Variants in TANGO2 observed in about 807,000 individuals in gnomAD.
TANGO2 encodes the protein transport and golgi organization 2 homolog.
Under a neutral mutation model 39.1 loss-of-function variants are expected in TANGO2, and 26 were observed. The observed-to-expected ratio is 0.67, with a 90% CI of 0.49 to 0.92. TANGO2 has a LOEUF of 0.92. TANGO2 is among the 40% of genes least tolerant of loss of function. TANGO2 has a pLI of 0.00. For missense variants in TANGO2, 326 were observed against 360.1 expected (o/e 0.91, Z 0.77); for synonymous variants, 131 against 144.5 (o/e 0.91, Z 0.67).
At position 20,061,653 on chromosome 22, in the gene TANGO2, G is replaced by A; in HGVS notation, c.575G>A (p.Ser192Asn). 1 of 1,557,842 alleles carries A rather than the reference G, an allele frequency of 6.4e-7. No individual in the cohort carries two copies. Among genetic ancestry groups the A allele is most frequent in the Non-Finnish European group, 8.7e-7 (1 of 1,150,388 alleles). Residue 192 changes from serine to asparagine, a missense_variant, in exon 7 of 9, where the codon AGC becomes AAC. Coordinates refer to ENST00000327374, the MANE Select transcript of TANGO2 (RefSeq NM_152906.7). ...QALPKDVLIA[S>N]LLDVLNNEEA... Reference sequence around the variant, plus strand: ...CTGCCCAAGGATGTGCTCATCGCCAGCCTCCTGGATGTGCTCAACAATGAA... The same window carrying A: ...CTGCCCAAGGATGTGCTCATCGCCAACCTCCTGGATGTGCTCAACAATGAA...
chr22:20,034,381 A>C (rs1463242296), intron 1 of TANGO2, among the ~76,000 whole-genome samples: 1 of 152,118 alleles, frequency 6.6e-6, no homozygotes, highest in Non-Finnish European at 1.5e-5. Context: ...TGCTTCTTTC[A>C]TTATGTGGTT....
At chr22:20,060,120 C>T (rs1445332563) in intron 6 of TANGO2, among the ~76,000 whole-genome samples, 1 of 151,946 alleles carries the variant, frequency 6.6e-6, no homozygotes, top group Admixed American at 6.6e-5. Flanking sequence ...GAGGCCAAGG[C>T]GGGTGGATCA....
rs1602255030 is a variant in TANGO2, at chr22:20,053,552, G to A, written c.380+1G>A. The A allele has an allele frequency of 6.2e-7, 1 of 1,605,126 alleles. No individual in the cohort carries two copies. The highest frequency in any genetic ancestry group is 1.3e-5 in the African/African-American group (1 of 74,876). On this transcript the variant is annotated splice_donor_variant, in intron 5 of 8. Transcript: ENST00000327374. LOFTEE classifies it high-confidence loss of function. ...TCAACCTCATAGCAGCCGACCTGAG[G>A]TGGGTCTGCCAGAGGGGGATGGCGG...
intron 1 of TANGO2, among the ~76,000 whole-genome samples, chr22:20,034,865 G>A (rs1473564108): frequency 3.3e-5 from 5 of 152,194 alleles, no homozygotes; most frequent in African/African-American, 9.7e-5. Flanking sequence ...TGTGGGCCAC[G>A]CTCTCCGAAC....
intron 8 of TANGO2, among the ~76,000 whole-genome samples, chr22:20,063,757 C>T (rs1209711097): frequency 1.3e-5 from 2 of 152,262 alleles, no homozygotes; most frequent in Non-Finnish European, 2.9e-5. Flanking sequence ...CAGGCTGTAC[C>T]CTTGGGTGGT....
rs16982614 is a variant in TANGO2, at chr22:20,064,566, T to G, written c.735T>G (p.Asp245Glu). 2.6e-3 allele frequency: 4,154 copies of G among 1,614,136 alleles called. 97 individuals carry two copies. In the African/African-American group the frequency reaches 0.047, roughly 18 times the overall value. Reference protein sequence around the residue: ...GTRTNTIILVDADGHVTFTER... With the variant: ...GTRTNTIILVEADGHVTFTER... ...GAACCAACACTATCATCCTGGTAGA[T>G]GCGGACGGCCACGTGACCTTCACTG... The change falls in exon 9 of 9, where the codon GAT (aspartate) becomes GAG (glutamate). Residue 245 changes from aspartate to glutamate, a missense_variant. By Grantham distance (45) the Asp-to-Glu change is conservative (BLOSUM62 2). Coordinates refer to ENST00000327374, the MANE Select transcript of TANGO2 (RefSeq NM_152906.7).
intron 2 of TANGO2, among the ~76,000 whole-genome samples, chr22:20,041,798 A>C (rs373741706): frequency 6.6e-6 from 1 of 152,200 alleles, no homozygotes; most frequent in Non-Finnish European, 1.5e-5. Flanking sequence ...TTCACATTTA[A>C]TCAGGAGCAA....
rs541343485 is a variant in TANGO2, at chr22:20,060,525, G to A, written c.452-1005G>A. The stretch of plus-strand genomic sequence containing the variant: ...AGTGATCCTCCTGCCCCAGCCTCCC[G>A]ATGTGCTGGGATTATAGGAGTGAGC... On this transcript the variant is annotated intron_variant, in intron 6 of 8. Transcript: ENST00000327374. Among the ~76,000 whole-genome samples the A allele has an allele frequency of 8.5e-5, 13 of 152,130 alleles. No individual in the cohort carries two copies. In the East Asian group the frequency reaches 1.4e-3, roughly 16 times the overall value.
At chr22:20,056,580 C>G (rs1273649315) in intron 6 of TANGO2, 1 of 456,824 alleles carries the variant, frequency 2.2e-6, no homozygotes. Context: ...GCTACATGCC[C>G]TTCCTTTCCC....
chr22:20,053,675 T>C, intron 5 of TANGO2, 124 bp downstream of exon 5: 1 of 708,872 alleles, frequency 1.4e-6, no homozygotes, highest in South Asian at 1.5e-5. Flanking sequence ...TTGCTCCTCG[T>C]GACTTGGCAA....
rs2049140935 is a variant in TANGO2, at chr22:20,065,897, T to A, written c.*1235T>A. The A allele has an allele frequency of 6.6e-6, 1 of 152,322 alleles. No homozygotes were observed. 9.4% of individuals were successfully genotyped at this position (152,322 alleles called of 1,614,324 possible). A position where few individuals can be genotyped will look rare whatever the true frequency, so the allele number is the denominator to read the frequency against. On this transcript the variant is annotated 3_prime_UTR_variant, in exon 9 of 9. Transcript: ENST00000327374. The stretch of plus-strand genomic sequence containing the variant: ...TCTGTACCTGAATGTGAGCTCCTGA[T>A]AATAAAACTCTGAGGCTTTGGTGAG...
Position 20,064,875 on chromosome 22 carries a change from G to T in TANGO2, c.*213G>T. 1 of 616,742 alleles carries T rather than the reference G, an allele frequency of 1.6e-6. No homozygotes were observed. The highest frequency in any genetic ancestry group is 2.8e-6 in the Non-Finnish European group (1 of 362,028). The allele number at this position is 616,742 out of a possible 1,614,324, so 38.2% of individuals were successfully genotyped here. A position where few individuals can be genotyped will look rare whatever the true frequency, so the allele number is the denominator to read the frequency against. ...ATGCCAGTGAGGAGCAGCAGAGTCT[G>T]ATACTAGGTCTAGGACCGGCCGAGG... On this transcript the variant is annotated 3_prime_UTR_variant, in exon 9 of 9. Transcript: ENST00000327374.
At chr22:20,040,748 T>C (rs539741483) in intron 2 of TANGO2, among the ~76,000 whole-genome samples, 1 of 152,326 alleles carries the variant, frequency 6.6e-6, no homozygotes, top group South Asian at 2.1e-4. Flanking sequence ...TGGGCTCTCC[T>C]GCCATCCCTG....
At chr22:20,044,386 C>T (rs140487675) in intron 3 of TANGO2, among the ~76,000 whole-genome samples, 7,378 of 152,132 alleles carry the variant, frequency 0.048, 252 homozygotes, top group East Asian at 0.079. Context: ...ATTAGCCAGG[C>T]GTGGTGGCAT....
intron 1 of TANGO2, among the ~76,000 whole-genome samples, chr22:20,028,269 A>C (rs900773782): frequency 2.6e-5 from 4 of 152,162 alleles, no homozygotes; most frequent in African/African-American, 9.7e-5. Flanking sequence ...ATGCCACTGC[A>C]CCTGGCTAAT....
chr22:20,018,758 C>G (rs1009330968), upstream of TANGO2, among the ~76,000 whole-genome samples: 2 of 152,140 alleles, frequency 1.3e-5, no homozygotes, highest in African/African-American at 2.4e-5. Context: ...AGCAGTCGGC[C>G]CATTAGGCTG....
At chr22:20,033,214 C>G in intron 1 of TANGO2, 1 of 527,160 alleles carries the variant, frequency 1.9e-6, no homozygotes, top group Non-Finnish European at 3.9e-6. Context: ...CTGGTCCTTC[C>G]CTCCCAATGA....
intron 6 of TANGO2, among the ~76,000 whole-genome samples, chr22:20,061,016 C>T (rs1288756782): frequency 2.0e-5 from 3 of 152,162 alleles, no homozygotes; most frequent in Non-Finnish European, 4.4e-5. Context: ...TAACCTGGGG[C>T]CTGGCTGGTA....
chr22:20,056,628 GC>G (rs1484632428), intron 6 of TANGO2: 3 of 456,502 alleles, frequency 6.6e-6, no homozygotes, highest in Non-Finnish European at 1.3e-5. Flanking sequence ...AGCTTCCTCT[GC>G]CAGTGCCCCA....
Sources: allele counts gnomAD v4.1 joint callset (sites outside exome capture counted in the v4.1 genomes callset), GRCh38; gene constraint gnomAD v4.1.1; transcripts MANE v1.5; gene names NCBI Gene and HGNC (gene_info 2026-07-23, HGNC 2026-07-21).